Variants in SEC23B observed in about 807,000 individuals in gnomAD.
SEC23B encodes protein transport protein Sec23B.
Under a neutral mutation model 104.3 loss-of-function variants are expected in SEC23B, and 77 were observed. That is an observed-to-expected ratio of 0.74 (90% CI 0.61 to 0.89). SEC23B has a LOEUF of 0.89. Among genes scored for constraint, SEC23B ranks in the 40% least tolerant of loss-of-function variants. The pLI is 0.00. For synonymous variants in SEC23B, 338 were observed against 332.5 expected, an observed-to-expected ratio of 1.02 and a Z score of -0.18; for missense variants, 885 against 949.4, an observed-to-expected ratio of 0.93 and a Z score of 0.89.
rs183212465 is a variant in SEC23B, at chr20:18,523,528, A to G, written c.367-905A>G. 2.2e-3 allele frequency among the ~76,000 whole-genome samples: 325 copies of G among 147,426 alleles called. 1 individual carries two copies. The highest frequency in any genetic ancestry group is 7.5e-3 in the African/African-American group (302 of 40,184). On this transcript the variant is annotated intron_variant, in intron 4 of 19. Coordinates refer to ENST00000650089, the MANE Select transcript of SEC23B (RefSeq NM_006363.6). ...AGCAATTCTCCTGCCTCAGCCTCCCAAGTAGCTGGGATTACAGGTGAACCC... is the reference window on the plus strand; with the variant it reads ...AGCAATTCTCCTGCCTCAGCCTCCCGAGTAGCTGGGATTACAGGTGAACCC...
At chr20:18,515,820 G>A in intron 4 of SEC23B, 84 bp downstream of exon 4, 2 of 904,176 alleles carry the variant, frequency 2.2e-6, no homozygotes, top group Non-Finnish European at 3.7e-6. Flanking sequence ...TCTCTTACCT[G>A]GGCAGGGGAC....
At chr20:18,535,608 ATGGTTTTC>A in intron 11 of SEC23B, 37 bp from the exon 12 acceptor site, 1 of 1,483,982 alleles carries the variant, frequency 6.7e-7, no homozygotes, top group Non-Finnish European at 9.4e-7. Flanking sequence ...AACCACAGGG[ATGGTTTTC>A]TGGTTTTGTT....
intron 14 of SEC23B, 92 bp downstream of exon 14, chr20:18,543,264 T>C: frequency 6.6e-7 from 1 of 1,521,504 alleles, no homozygotes; most frequent in Non-Finnish European, 9.1e-7. Context: ...ATATAGTGAA[T>C]CAGCAAGAAT....
At chr20:18,548,202 C>T (rs755370166) in intron 15 of SEC23B, among the ~76,000 whole-genome samples, 7 of 152,142 alleles carry the variant, frequency 4.6e-5, no homozygotes, top group Non-Finnish European at 8.8e-5. Flanking sequence ...CCGCCCGCCT[C>T]GGCCTCCCAA....
intron 17 of SEC23B, 88 bp from the exon 18 acceptor site, chr20:18,554,147 C>A: frequency 1.4e-6 from 2 of 1,452,556 alleles, no homozygotes; most frequent in Non-Finnish European, 1.9e-6. Flanking sequence ...TAGAAACAAG[C>A]TCTGGGTGGC....
In SEC23B at chr20:18,560,697, TC is replaced by T; in HGVS notation, c.2262del (p.Phe754LeufsTer5). The T allele has an allele frequency of 6.2e-6, 10 of 1,614,170 alleles. No homozygotes were observed. Among genetic ancestry groups the T allele is most frequent in the Non-Finnish European group, 8.5e-6 (10 of 1,180,014 alleles). On this transcript the variant is annotated frameshift_variant, in exon 20 of 20. Transcript: ENST00000650089. LOFTEE classifies it high-confidence loss of function. ...ACTGATGATGTTAGCCTGCAGGTGT[TC>T]ATGGACCATTTGAAGAAGCTGGCTG... Reference protein sequence around the residue: ...ILTDDVSLQVFMDHLKKLAVS... With the variant: ...ILTDDVSLQVXMDHLKKLAVS...
At chr20:18,526,653 C>A in intron 8 of SEC23B, 122 bp downstream of exon 8, 1 of 1,064,252 alleles carries the variant, frequency 9.4e-7, no homozygotes, top group Non-Finnish European at 1.4e-6. Context: ...GTTTCAGAGA[C>A]AGTTTTCCAA....
chr20:18,516,468 G>A (rs757800862), intron 4 of SEC23B, among the ~76,000 whole-genome samples: 4 of 151,026 alleles, frequency 2.6e-5, no homozygotes, highest in Non-Finnish European at 5.9e-5. Flanking sequence ...TATTACTGTA[G>A]CTTTGTAATG....
At chr20:18,525,079 G>A in intron 6 of SEC23B, 59 bp downstream of exon 6, 1 of 1,386,662 alleles carries the variant, frequency 7.2e-7, no homozygotes, top group Non-Finnish European at 1.0e-6. Flanking sequence ...TGATCCATGG[G>A]AGTAAGGGAA....
intron 12 of SEC23B, among the ~76,000 whole-genome samples, chr20:18,537,584 T>G (rs1180570264): frequency 1.3e-5 from 2 of 151,346 alleles, no homozygotes; most frequent in Admixed American, 6.6e-5. Context: ...TGGGGACTGT[T>G]GTGGGGTGGG....
At chr20:18,512,350 AG>A in intron 3 of SEC23B, 68 bp downstream of exon 3, 1 of 1,062,608 alleles carries the variant, frequency 9.4e-7, no homozygotes, top group East Asian at 2.6e-5. Context: ...AAATTAAGTT[AG>A]GTTGAATTTG....
At chr20:18,557,646 C>G (rs1291090874) in intron 19 of SEC23B, among the ~76,000 whole-genome samples, 1 of 151,654 alleles carries the variant, frequency 6.6e-6, no homozygotes, top group Non-Finnish European at 1.5e-5. Flanking sequence ...ATTGATAAGT[C>G]TTAAAAGAAA....
At chr20:18,540,014 C>G in intron 12 of SEC23B, among the ~76,000 whole-genome samples, 1 of 21,210 alleles carries the variant, frequency 4.7e-5, no homozygotes, top group African/African-American at 1.7e-4. Flanking sequence ...CCACTGAAGT[C>G]TCAAACCCCT....
intron 15 of SEC23B, among the ~76,000 whole-genome samples, chr20:18,547,034 C>G (rs1370149661): frequency 6.6e-6 from 1 of 151,472 alleles, no homozygotes; most frequent in Admixed American, 6.6e-5. Flanking sequence ...CACCCCCACA[C>G]TGGGTCCCAC....
intron 12 of SEC23B, among the ~76,000 whole-genome samples, chr20:18,540,929 GC>G: frequency 6.6e-6 from 1 of 152,298 alleles, no homozygotes; most frequent in Non-Finnish European, 1.5e-5. Flanking sequence ...AAGCTTTAAA[GC>G]CAGGCATTGA....
intron 9 of SEC23B, 86 bp downstream of exon 9, chr20:18,527,697 G>A (rs1040556231): frequency 2.1e-5 from 19 of 897,468 alleles, no homozygotes; most frequent in Non-Finnish European, 3.4e-5. Context: ...GAATGGGCAA[G>A]GCCAACTCAG....
intron 4 of SEC23B, among the ~76,000 whole-genome samples, chr20:18,517,123 A>G (rs2060036533): frequency 6.6e-6 from 1 of 152,188 alleles, no homozygotes; most frequent in Non-Finnish European, 1.5e-5. Context: ...GGAAATAATT[A>G]TCTCATGTGT....
chr20:18,559,199 G>A (rs1168951456), intron 19 of SEC23B, among the ~76,000 whole-genome samples: 1 of 152,022 alleles, frequency 6.6e-6, no homozygotes. Flanking sequence ...CTGCTTAGTG[G>A]GAATGAGAGT....
intron 16 of SEC23B, among the ~76,000 whole-genome samples, chr20:18,550,049 ATG>A (rs2060372008): frequency 8.1e-6 from 1 of 122,878 alleles, no homozygotes; most frequent in African/African-American, 3.0e-5. Context: ...TAAATTATAT[ATG>A]TATATATAAG....
Sources: allele counts gnomAD v4.1 joint callset (sites outside exome capture counted in the v4.1 genomes callset), GRCh38; gene constraint gnomAD v4.1.1; transcripts MANE v1.5; gene names NCBI Gene and HGNC (gene_info 2026-07-23, HGNC 2026-07-21).